The following KMT2C variants were observed in gnomAD, a reference collection of about 807,000 sequenced individuals.
The protein encoded by KMT2C is histone-lysine N-methyltransferase 2C.
Under a neutral mutation model 507.9 loss-of-function variants are expected in KMT2C, and 88 were observed. The observed-to-expected ratio is 0.17, with a 90% CI of 0.15 to 0.21. KMT2C has a LOEUF of 0.21. Among genes scored for constraint, KMT2C ranks in the 10% least tolerant of loss-of-function variants. The probability of loss-of-function intolerance (pLI) is 1.00; values close to 1 mark genes in which losing one functional copy is unlikely to be tolerated. For synonymous variants in KMT2C, 2,049 were observed against 2,080.8 expected, an observed-to-expected ratio of 0.98 and a Z score of 0.42; for missense variants, 4,954 against 5,957.8, an observed-to-expected ratio of 0.83 and a Z score of 5.55.
chr7:152,148,843 T>C lies in KMT2C; in HGVS notation c.13084A>G (p.Ile4362Val). The C allele has an allele frequency of 1.2e-6, 2 of 1,614,220 alleles. No individual in the cohort carries two copies. The highest frequency in any genetic ancestry group is 1.6e-4 in the Middle Eastern group (1 of 6,062). The stretch of plus-strand genomic sequence containing the variant: ...GTCCCCTTAGGGATTACAATATGAA[T>C]GCTCCACTTCTTCCATTTCATTCCT... ...WRGMKWKKWS[I>V]HIVIPKGTFK... The change falls in exon 52 of 59, where the codon ATT becomes GTT. Residue 4362 changes from isoleucine (I) to valine (V), a missense_variant. This residue lies in a region of KMT2C where 417 missense variants were observed against 461.1 expected (regional missense o/e 0.90). Coordinates refer to ENST00000262189, the MANE Select transcript of KMT2C (RefSeq NM_170606.3). This position sits in a 1 kb window ranked among gnomAD's most constrained non-coding sequence, Gnocchi z 7.1.
chr7:152,256,749 A>G (rs981705464), intron 9 of KMT2C, among the ~76,000 whole-genome samples: 2 of 152,164 alleles, frequency 1.3e-5, no homozygotes, highest in African/African-American at 4.8e-5. Flanking sequence ...TGACCCTTAA[A>G]CACATGAAAA....
intron 23 of KMT2C, among the ~76,000 whole-genome samples, chr7:152,212,181 A>C (rs1192044322): frequency 6.6e-6 from 1 of 152,238 alleles, no homozygotes; most frequent in South Asian, 2.1e-4. Context: ...CTAGATGACT[A>C]ATCTCTGGAA....
At position 152,374,322 on chromosome 7, in the gene KMT2C, T is replaced by C. The variant is rs2097312415; in HGVS notation, c.162-15647A>G. Among the ~76,000 whole-genome samples, 3 of 144,532 alleles carry C rather than the reference T, an allele frequency of 2.1e-5. No homozygotes were observed. In the South Asian group the frequency reaches 6.5e-4, roughly 31 times the overall value. The allele number at this position is 144,532 out of a possible 152,430, so 94.8% of individuals were successfully genotyped here. A position where few individuals can be genotyped will look rare whatever the true frequency, so the allele number is the denominator to read the frequency against. On this transcript the variant is annotated intron_variant, in intron 1 of 58. Transcript: ENST00000262189. ...GAGAGCAAGACTCTGTCTCAAAAAA[T>C]AGTAATAATAATAATAATAATTAAT... is the stretch of plus-strand genomic sequence containing the variant.
At chr7:152,367,010 C>G in intron 1 of KMT2C, 1 of 585,022 alleles carries the variant, frequency 1.7e-6, no homozygotes, top group Non-Finnish European at 3.0e-6. Context: ...CTTGCCTCAC[C>G]TGAGCCTGGG....
In KMT2C at chr7:152,412,072, C is replaced by T. The variant is rs1589840327; in HGVS notation, c.161+23554G>A. Among the ~76,000 whole-genome samples, 3 of 152,256 alleles carry T rather than the reference C, an allele frequency of 2.0e-5. No homozygotes were observed. In the East Asian group the frequency reaches 5.8e-4, roughly 29 times the overall value. ...ACAGAGCCTATTTTCTTCCATTTAA[C>T]AAAGGAAAATTCTCATTTAAACAAG... On this transcript the variant is annotated intron_variant, in intron 1 of 58. Transcript: ENST00000262189.
chr7:152,301,211 A>AG (rs2096564811), intron 6 of KMT2C, among the ~76,000 whole-genome samples: 1 of 151,772 alleles, frequency 6.6e-6, no homozygotes, highest in African/African-American at 2.4e-5. Flanking sequence ...AAAAAAAAAA[A>AG]AAAGAAAAGT....
At chr7:152,357,911 C>G (rs2097165457) in intron 2 of KMT2C, among the ~76,000 whole-genome samples, 1 of 152,194 alleles carries the variant, frequency 6.6e-6, no homozygotes, top group Admixed American at 6.5e-5. Flanking sequence ...TGATATTCAA[C>G]TTCAGAGAAA....
chr7:152,215,701 A>C (rs1224183503), intron 23 of KMT2C, among the ~76,000 whole-genome samples: 1 of 140,442 alleles, frequency 7.1e-6, no homozygotes, highest in African/African-American at 3.0e-5. Flanking sequence ...ACACACACAT[A>C]CACACACAAA....
chr7:152,346,952 C>G (rs1043578778), intron 2 of KMT2C, among the ~76,000 whole-genome samples: 1 of 152,010 alleles, frequency 6.6e-6, no homozygotes, highest in Admixed American at 6.6e-5. Flanking sequence ...ACGGTGAAAC[C>G]CCGTCTCTAC....
At chr7:152,224,313 G>GT in intron 19 of KMT2C, 122 bp downstream of exon 19, 1 of 1,268,994 alleles carries the variant, frequency 7.9e-7, no homozygotes, top group East Asian at 2.4e-5. Flanking sequence ...CTGATTACTG[G>GT]TATCTATCAT....
Position 152,178,017 on chromosome 7 carries a change from A to T in KMT2C, c.7443-7T>A, listed in dbSNP as rs770119347. ...ACCTCCTGGAAATCCAAATCTTTTAAAAAAAAAAAAAAAAAAAAAAAAAAA... is the reference window on the plus strand; with the variant it reads ...ACCTCCTGGAAATCCAAATCTTTTATAAAAAAAAAAAAAAAAAAAAAAAAA... On this transcript the variant is annotated splice_polypyrimidine_tract_variant and splice_region_variant and intron_variant, in intron 37 of 58. Coordinates refer to ENST00000262189, the MANE Select transcript of KMT2C (RefSeq NM_170606.3). 1,867 of 371,162 alleles carry T rather than the reference A, an allele frequency of 5.0e-3. 51 individuals are homozygous for T. The highest frequency in any genetic ancestry group is 0.042 in the African/African-American group (1,361 of 32,036). 23.0% of individuals were successfully genotyped at this position (371,162 alleles called of 1,614,324 possible). A position where few individuals can be genotyped will look rare whatever the true frequency, so the allele number is the denominator to read the frequency against.
intron 23 of KMT2C, among the ~76,000 whole-genome samples, chr7:152,211,768 G>A (rs1478029120): frequency 6.6e-6 from 1 of 152,222 alleles, no homozygotes; most frequent in East Asian, 1.9e-4. Context: ...GACCGTATCG[G>A]CCAGGCACGG....
At chr7:152,159,542 T>C (rs2092317698) in intron 43 of KMT2C, among the ~76,000 whole-genome samples, 1 of 152,188 alleles carries the variant, frequency 6.6e-6, no homozygotes, top group Non-Finnish European at 1.5e-5. Context: ...CTTTACAGCC[T>C]ATGCATCTTA....
At chr7:152,180,173 G>C (rs1175454314) in intron 36 of KMT2C, 47 bp from the exon 37 acceptor site, 2 of 1,591,502 alleles carry the variant, frequency 1.3e-6, no homozygotes, top group Non-Finnish European at 8.6e-7. Flanking sequence ...GTAATTAATG[G>C]CTTTTTAAAG....
intron 25 of KMT2C, among the ~76,000 whole-genome samples, chr7:152,204,406 G>C (rs2094236013): frequency 6.6e-6 from 1 of 152,132 alleles, no homozygotes; most frequent in African/African-American, 2.4e-5. Flanking sequence ...GCCAGCCTGG[G>C]CAACAAAGTG....
chr7:152,260,185 C>T (rs976550062), intron 9 of KMT2C, among the ~76,000 whole-genome samples: 11 of 152,156 alleles, frequency 7.2e-5, no homozygotes, highest in Non-Finnish European at 1.5e-4. Flanking sequence ...AGCTTTGAAC[C>T]ACCACACTAT....
chr7:152,364,801 A>C (rs529210868), intron 1 of KMT2C, among the ~76,000 whole-genome samples: 60 of 152,186 alleles, frequency 3.9e-4, no homozygotes, highest in African/African-American at 3.6e-4. Context: ...AACCTACCTA[A>C]CTAATATGTG....
chr7:152,301,847 A>C (rs1400703160), intron 6 of KMT2C, among the ~76,000 whole-genome samples: 3 of 152,258 alleles, frequency 2.0e-5, no homozygotes, highest in Non-Finnish European at 1.5e-5. Context: ...CCTTACGTAA[A>C]GATTCAAGTC....
intron 9 of KMT2C, 79 bp downstream of exon 9, chr7:152,262,937 T>C: frequency 9.9e-7 from 1 of 1,007,682 alleles, no homozygotes; most frequent in South Asian, 1.6e-5. Flanking sequence ...ATGTACAGAT[T>C]TGAATAGGTA....
Sources: allele counts gnomAD v4.1 joint callset (sites outside exome capture counted in the v4.1 genomes callset), GRCh38; gene constraint gnomAD v4.1.1; regional missense constraint gnomAD v4.1.1; non-coding constraint Gnocchi (gnomAD v3.1); transcripts MANE v1.5; gene names NCBI Gene and HGNC (gene_info 2026-07-23, HGNC 2026-07-21).